Variants in AKAP13 observed in about 807,000 individuals in gnomAD.
AKAP13 encodes the protein A-kinase anchor protein 13.
AKAP13 carries 80 observed loss-of-function variants against 264.5 expected under a neutral mutation model. The observed-to-expected ratio is 0.30, with a 90% CI of 0.25 to 0.36. AKAP13 has a LOEUF of 0.36. Among genes scored for constraint, AKAP13 ranks in the 10% least tolerant of loss-of-function variants. AKAP13 has a pLI of 1.00. For missense variants in AKAP13, 3,712 were observed against 3,435.2 expected (o/e 1.08, Z -2.01); for synonymous variants, 1,380 against 1,250.2 (o/e 1.10, Z -2.19).
chr15:85,486,370 T>G (rs974978367), intron 2 of AKAP13, among the ~76,000 whole-genome samples: 10 of 152,204 alleles, frequency 6.6e-5, no homozygotes, highest in African/African-American at 2.4e-4. Flanking sequence ...ATCTAGGAAT[T>G]GTATAGGTTT....
At chr15:85,459,502 T>C (rs1375266465) in intron 1 of AKAP13, among the ~76,000 whole-genome samples, 1 of 147,492 alleles carries the variant, frequency 6.8e-6, no homozygotes, top group Admixed American at 6.8e-5. Flanking sequence ...CCCAGCCTGC[T>C]TTTTCTTTTT....
chr15:85,489,140 C>T (rs1469853572), intron 2 of AKAP13, among the ~76,000 whole-genome samples: 1 of 152,162 alleles, frequency 6.6e-6, no homozygotes. Context: ...TAAGATGGCA[C>T]AGCTAATTGG....
intron 35 of AKAP13, among the ~76,000 whole-genome samples, chr15:85,741,871 G>A (rs970736106): frequency 3.3e-5 from 5 of 151,942 alleles, no homozygotes; most frequent in African/African-American, 9.7e-5. Context: ...ATGGCGAAAC[G>A]GCGTCTCTAC....
rs569932044 is a variant in AKAP13 at position 85,583,438 on chromosome 15, GTT to G, written c.4039+1334_4039+1335del. On this transcript the variant is annotated intron_variant, in intron 7 of 36. Coordinates refer to ENST00000394518, the MANE Select transcript of AKAP13 (RefSeq NM_007200.5). ...AATTTTTGATGACTTTAGCTTTTTAGTTTTATTAATGTTTTGGATTGTTAGTG... is the reference window on the plus strand; with the variant it reads ...AATTTTTGATGACTTTAGCTTTTTAGTTATTAATGTTTTGGATTGTTAGTG... Among the ~76,000 whole-genome samples the G allele has an allele frequency of 2.4e-4, 37 of 152,244 alleles. 1 individual carries two copies. In the East Asian group the frequency reaches 6.7e-3, roughly 28 times the overall value.
At chr15:85,635,354 A>G (rs2082026054) in intron 8 of AKAP13, among the ~76,000 whole-genome samples, 1 of 152,068 alleles carries the variant, frequency 6.6e-6, no homozygotes, top group Non-Finnish European at 1.5e-5. Context: ...TGCCTTTCGT[A>G]TATCTTTTTA....
intron 5 of AKAP13, among the ~76,000 whole-genome samples, chr15:85,562,261 G>A (rs948609870): frequency 6.6e-6 from 1 of 152,018 alleles, no homozygotes. Flanking sequence ...CTAGTAGTAT[G>A]CATATTAAGA....
rs1056276853 is a variant in AKAP13 at position 85,655,780 on chromosome 15, C to A, written c.4738C>A (p.His1580Asn). ...KNAASDAEMN[H>N]RSSMRVLGDV... The stretch of plus-strand genomic sequence containing the variant: ...TGCAGCCAGCGATGCAGAAATGAAC[C>A]ACCGGAGGTGAGATGGGAGGCGGTT... Residue 1580 changes from histidine to asparagine, a missense_variant, in exon 11 of 37, where the codon CAC becomes AAC. This residue lies in a region of AKAP13 where 2,759 missense variants were observed against 2,411.7 expected (regional missense o/e 1.14). Transcript: ENST00000394518. 6.2e-7 allele frequency: 1 copy of A among 1,606,202 alleles called. No individual in the cohort carries two copies. Among genetic ancestry groups the A allele is most frequent in the Non-Finnish European group, 8.5e-7 (1 of 1,173,938 alleles).
rs1361188536 is a variant in AKAP13, at chr15:85,581,770, C to A, written c.3702C>A (p.Val1234=). Residue 1234 remains valine, a synonymous_variant, in exon 7 of 37, where the codon GTC becomes GTA. Transcript: ENST00000394518. The stretch of plus-strand genomic sequence containing the variant: ...GCACTCCCTCTCTACCTTGCATGGT[C>A]TCTGCCCAGGACGCACCTCTGCCTA... ...ERSTPSLPCM[V]SAQDAPLPKG... is the part of the protein sequence containing the mutation. 2 of 1,614,168 alleles carry A rather than the reference C, an allele frequency of 1.2e-6. No homozygotes were observed. The highest frequency in any genetic ancestry group is 2.2e-5 in the South Asian group (2 of 91,082).
intron 1 of AKAP13, among the ~76,000 whole-genome samples, chr15:85,385,373 A>G (rs1372265888): frequency 6.6e-6 from 1 of 152,094 alleles, no homozygotes; most frequent in Non-Finnish European, 1.5e-5. Flanking sequence ...CTATTTTTTC[A>G]TTCTTTAATT....
At chr15:85,434,091 A>T in intron 1 of AKAP13, among the ~76,000 whole-genome samples, 1 of 55,720 alleles carries the variant, frequency 1.8e-5, no homozygotes, top group Non-Finnish European at 4.3e-5. Context: ...GGAGTGCCAG[A>T]CGGCGCAGGC....
At chr15:85,381,089 G>C (rs899347947) in intron 1 of AKAP13, among the ~76,000 whole-genome samples, 11 of 152,170 alleles carry the variant, frequency 7.2e-5, no homozygotes, top group South Asian at 4.1e-4. Flanking sequence ...CCGCTTTCCG[G>C]GTGGGGGGCG....
chr15:85,586,923 T>G (rs4843077), intron 8 of AKAP13, among the ~76,000 whole-genome samples: 125,311 of 149,508 alleles, frequency 0.84, 52,640 homozygotes, highest in East Asian at 0.95. Context: ...GCACGACACC[T>G]TCTCAAAAAA....
At chr15:85,433,392 G>C (rs2073116683) in intron 1 of AKAP13, among the ~76,000 whole-genome samples, 1 of 151,940 alleles carries the variant, frequency 6.6e-6, no homozygotes, top group Non-Finnish European at 1.5e-5. Flanking sequence ...CATCATCTAA[G>C]TATGGGAGCA....
intron 1 of AKAP13, among the ~76,000 whole-genome samples, chr15:85,432,692 C>T (rs1205383775): frequency 1.3e-5 from 2 of 152,118 alleles, no homozygotes; most frequent in African/African-American, 2.4e-5. Context: ...TAATATAATA[C>T]AAGGTGAAAA....
At chr15:85,419,414 C>G (rs1460201936) in intron 1 of AKAP13, among the ~76,000 whole-genome samples, 4 of 152,180 alleles carry the variant, frequency 2.6e-5, no homozygotes, top group Non-Finnish European at 4.4e-5. Context: ...CTTAGTCATA[C>G]AAGTAACGTG....
chr15:85,470,179 CT>C (rs1333047110), intron 1 of AKAP13, among the ~76,000 whole-genome samples: 3 of 152,164 alleles, frequency 2.0e-5, no homozygotes, highest in African/African-American at 7.2e-5. Flanking sequence ...ATCCCAGCTA[CT>C]CGGGAGGCTG....
chr15:85,747,397 TG>T lies in AKAP13; in HGVS notation c.*2724del, dbSNP rs2089401740. Reference sequence around the variant, plus strand: ...ATCACATGAGAAGGGGTTGTTTTTTTGGGGTGACTCGGACTGAATTCCCCAT... The same window carrying T: ...ATCACATGAGAAGGGGTTGTTTTTTTGGGTGACTCGGACTGAATTCCCCAT... On this transcript the variant is annotated 3_prime_UTR_variant, in exon 37 of 37. Transcript: ENST00000394518. 6.6e-6 allele frequency: 1 copy of T among 152,424 alleles called. No homozygotes were observed. The highest frequency in any genetic ancestry group is 6.5e-5 in the Admixed American group (1 of 15,276). The allele number at this position is 152,424 out of a possible 1,614,324, so 9.4% of individuals were successfully genotyped here.
chr15:85,520,878 C>T lies in AKAP13; in HGVS notation c.34-550C>T, dbSNP rs185904358. Among the ~76,000 whole-genome samples the T allele has an allele frequency of 4.9e-3, 746 of 152,362 alleles. 4 individuals are homozygous for T. The highest frequency in any genetic ancestry group is 0.01 in the Middle Eastern group (3 of 294). ...CTTGGATGTTGTAGCCTGCTGTGCA[C>T]TTAAGCTGGAGCCCAAGCTCGTCTT... is the stretch of plus-strand genomic sequence containing the variant. On this transcript the variant is annotated intron_variant, in intron 2 of 36. Transcript: ENST00000394518.
chr15:85,517,912 C>T (rs897616515), intron 2 of AKAP13, among the ~76,000 whole-genome samples: 2 of 152,136 alleles, frequency 1.3e-5, no homozygotes, highest in South Asian at 2.1e-4. Flanking sequence ...AAGGGGATCA[C>T]GCTGTTTCTT....
Sources: gnomAD v4.1 joint callset for allele counts (sites outside exome capture counted in the v4.1 genomes callset) on GRCh38, gnomAD v4.1.1 for gene constraint, gnomAD v4.1.1 regional missense constraint, MANE v1.5 for transcripts, NCBI Gene and HGNC (gene_info 2026-07-23, HGNC 2026-07-21) for gene names.